ZNF827: variants seen among roughly 807,000 people sequenced by gnomAD.
ZNF827 encodes the protein zinc finger protein 827.
In ZNF827, 13 loss-of-function variants were observed where a neutral mutation model predicts 102.4. The ratio of observed to expected loss-of-function variants is 0.13; its 90% CI spans 0.08 to 0.20. ZNF827 has a LOEUF of 0.20. ZNF827 is among the 10% of genes least tolerant of loss of function. ZNF827 has a pLI of 1.00. For missense variants in ZNF827, 1,103 were observed against 1,344.4 expected, an observed-to-expected ratio of 0.82 and a Z score of 2.81; for synonymous variants, 523 against 536.2, an observed-to-expected ratio of 0.98 and a Z score of 0.34.
At chr4:145,924,097 C>A (rs770972885) in intron 1 of ZNF827, among the ~76,000 whole-genome samples, 1 of 152,230 alleles carries the variant, frequency 6.6e-6, no homozygotes, top group Non-Finnish European at 1.5e-5. Context: ...CATGCATCAA[C>A]ATGGATAAAT....
chr4:145,898,765 G>T (rs1021109736), intron 2 of ZNF827, among the ~76,000 whole-genome samples: 29 of 152,050 alleles, frequency 1.9e-4, no homozygotes, highest in African/African-American at 7.0e-4. Context: ...GGCAACCACT[G>T]AATCCTGTTC....
rs750990005 is a variant in ZNF827 at position 145,902,632 on chromosome 4, A to T, written c.627T>A (p.Asp209Glu). ...NSTTTCSLSPDSAILKLKAAA... is the reference protein window; with the variant it reads ...NSTTTCSLSPESAILKLKAAA... ...CAGCTTTCAGTTTTAGGATGGCTGA[A>T]TCCGGAGACAAGCTGCAGGTGGTGG... Residue 209 changes from aspartate (D) to glutamate (E), a missense_variant, in exon 2 of 15, where the codon GAT (aspartate) becomes GAA (glutamate). This residue lies in a region of ZNF827 where 441 missense variants were observed against 458.6 expected (regional missense o/e 0.96). Transcript: ENST00000508784. This position sits in a 1 kb window ranked among gnomAD's most constrained non-coding sequence, Gnocchi z 4.3. The T allele has an allele frequency of 6.2e-7, 1 of 1,614,116 alleles. No individual in the cohort carries two copies. Among genetic ancestry groups the T allele is most frequent in the Non-Finnish European group, 8.5e-7 (1 of 1,180,030 alleles).
intron 7 of ZNF827, among the ~76,000 whole-genome samples, chr4:145,838,396 C>G (rs927682227): frequency 6.6e-6 from 1 of 152,180 alleles, no homozygotes; most frequent in African/African-American, 2.4e-5. Flanking sequence ...CCTTAACTCC[C>G]TTCGCTGACT....
chr4:145,770,347 T>TAAAA (rs1282940936), intron 11 of ZNF827, among the ~76,000 whole-genome samples: 76 of 53,818 alleles, frequency 1.4e-3, no homozygotes, highest in Admixed American at 2.1e-3. Context: ...AATAAATAAA[T>TAAAA]AAAATAGATC....
rs1174930111 is a variant in ZNF827 at position 145,768,858 on chromosome 4, C to CAAAAA, written c.2861-3125_2861-3121dup. On this transcript the variant is annotated intron_variant, in intron 11 of 14. Coordinates refer to ENST00000508784, the MANE Select transcript of ZNF827 (RefSeq NM_001306215.2). ...TGGGTGACAGAGCAAGACTCCGTCT[C>CAAAAA]AAAAAAAAAAAAAAAAAAAAAAAAA... 8.2e-3 allele frequency among the ~76,000 whole-genome samples: 37 copies of CAAAAA among 4,536 alleles called. 13 individuals are homozygous for CAAAAA. The highest frequency in any genetic ancestry group is 0.011 in the Non-Finnish European group (24 of 2,176). The allele number at this position is 4,536 out of a possible 152,430, so 3.0% of individuals were successfully genotyped here.
chr4:145,905,611 C>A (rs567512890), intron 1 of ZNF827, among the ~76,000 whole-genome samples: 43 of 152,282 alleles, frequency 2.8e-4, no homozygotes, highest in Middle Eastern at 3.4e-3. Flanking sequence ...TCATCATTTC[C>A]CCAGTGGCTT....
intron 1 of ZNF827, among the ~76,000 whole-genome samples, chr4:145,932,704 G>A (rs1218103308): frequency 2.0e-5 from 3 of 152,154 alleles, no homozygotes; most frequent in African/African-American, 7.2e-5. Flanking sequence ...TCGATCTCCT[G>A]ACCTCGTGAT....
chr4:145,916,608 A>G (rs755118187), intron 1 of ZNF827, among the ~76,000 whole-genome samples: 1 of 152,288 alleles, frequency 6.6e-6, no homozygotes, highest in East Asian at 1.9e-4. Flanking sequence ...TTATCAATCA[A>G]TCAGTTCCTT....
intron 8 of ZNF827, among the ~76,000 whole-genome samples, chr4:145,785,576 C>T (rs1738730893): frequency 6.6e-6 from 1 of 152,118 alleles, no homozygotes; most frequent in African/African-American, 2.4e-5. Context: ...ACAGTTTCCA[C>T]AGTAACTAAG....
chr4:145,872,937 T>A (rs1481781198), intron 4 of ZNF827, among the ~76,000 whole-genome samples: 1 of 147,554 alleles, frequency 6.8e-6, no homozygotes, highest in Non-Finnish European at 1.5e-5. Context: ...ACAATTTTTT[T>A]TTCTTTTCTT....
intron 4 of ZNF827, among the ~76,000 whole-genome samples, chr4:145,882,554 T>C (rs1749758310): frequency 6.6e-6 from 1 of 152,180 alleles, no homozygotes; most frequent in Non-Finnish European, 1.5e-5. Context: ...TAAAACAGTA[T>C]TCTATCCACT....
chr4:145,765,598 C>T lies in ZNF827; in HGVS notation c.3001G>A (p.Val1001Ile). Residue 1001 changes from valine to isoleucine, a missense_variant, in exon 12 of 15, where the codon GTC (valine) becomes ATC (isoleucine). Val to Ile is a conservative substitution (Grantham distance 29, BLOSUM62 3). Coordinates refer to ENST00000508784, the MANE Select transcript of ZNF827 (RefSeq NM_001306215.2). This position sits in a 1 kb window ranked among gnomAD's most constrained non-coding sequence, Gnocchi z 4.7. The stretch of plus-strand genomic sequence containing the variant: ...AGTGAGGGCTGGCTCCCAGGCATGA[C>T]AGAGATGACCAGCAGATTGTTCCCG... ...KGGNNLLVIS[V>I]MPGSQPSLNS... 1 of 1,614,070 alleles carries T rather than the reference C, an allele frequency of 6.2e-7. No individual in the cohort carries two copies. The highest frequency in any genetic ancestry group is 8.5e-7 in the Non-Finnish European group (1 of 1,180,000).
At chr4:145,793,766 G>T in intron 8 of ZNF827, among the ~76,000 whole-genome samples, 1 of 152,108 alleles carries the variant, frequency 6.6e-6, no homozygotes, top group East Asian at 1.9e-4. Flanking sequence ...CTCTAACTTT[G>T]ATGTTAAAAG....
At chr4:145,781,195 C>CAAAAAAAAAAAAAAAAAA (rs10605153) in intron 8 of ZNF827, among the ~76,000 whole-genome samples, 26 of 56,536 alleles carry the variant, frequency 4.6e-4, no homozygotes, top group East Asian at 6.8e-4. Flanking sequence ...GACACCATCT[C>CAAAAAAAAAAAAAAAAAA]AAAAAAAAAA....
At chr4:145,867,284 T>G (rs1197824332) in intron 5 of ZNF827, among the ~76,000 whole-genome samples, 1 of 152,218 alleles carries the variant, frequency 6.6e-6, no homozygotes. Flanking sequence ...TTTTCCCCAA[T>G]GCACACTTAA....
chr4:145,885,214 T>C lies in ZNF827; in HGVS notation c.1747+464A>G, dbSNP rs534891808. On this transcript the variant is annotated intron_variant, in intron 4 of 14. Coordinates refer to ENST00000508784, the MANE Select transcript of ZNF827 (RefSeq NM_001306215.2). The stretch of plus-strand genomic sequence containing the variant: ...AATTTTAGAAGTCTATAATTCCTAA[T>C]AGTAGTCTTTGTATATATGTCCTTT... 5.3e-5 allele frequency among the ~76,000 whole-genome samples: 8 copies of C among 152,224 alleles called. No individual in the cohort carries two copies. In the South Asian group the frequency reaches 1.5e-3, roughly 28 times the overall value.
At chr4:145,813,556 G>A (rs761576878) in intron 8 of ZNF827, among the ~76,000 whole-genome samples, 3 of 152,130 alleles carry the variant, frequency 2.0e-5, no homozygotes, top group East Asian at 1.9e-4. Flanking sequence ...TGTGAGCACC[G>A]CATTAGGTAG....
At chr4:145,921,537 T>C (rs1299055023) in intron 1 of ZNF827, among the ~76,000 whole-genome samples, 3 of 147,774 alleles carry the variant, frequency 2.0e-5, no homozygotes, top group Admixed American at 6.7e-5. Context: ...AGAAAAAATA[T>C]GAGTGTAAAC....
chr4:145,823,289 CCTT>C (rs1160408149), intron 8 of ZNF827, 130 bp downstream of exon 8: 3 of 685,918 alleles, frequency 4.4e-6, no homozygotes, highest in African/African-American at 1.8e-5. Flanking sequence ...TTGAGTTTCT[CCTT>C]CTTTTCTAAA....
Sources: gnomAD v4.1 joint callset for allele counts (sites outside exome capture counted in the v4.1 genomes callset) on GRCh38, gnomAD v4.1.1 for gene constraint, gnomAD v4.1.1 regional missense constraint, Gnocchi (gnomAD v3.1) non-coding constraint, MANE v1.5 for transcripts, NCBI Gene and HGNC (gene_info 2026-07-23, HGNC 2026-07-21) for gene names.